NRIP1: variants seen among roughly 807,000 people sequenced by gnomAD.
The protein encoded by NRIP1 is nuclear receptor interacting protein 1.
A neutral mutation model predicts 75.0 loss-of-function variants in NRIP1; 28 were observed. That is an observed-to-expected ratio of 0.37 (90% CI 0.28 to 0.51). NRIP1 has a LOEUF of 0.51. NRIP1 is among the 20% of genes least tolerant of loss of function. The pLI is 0.92. For missense variants in NRIP1, 1,435 were observed against 1,343.7 expected (o/e 1.07, Z -1.06); for synonymous variants, 526 against 487.6 (o/e 1.08, Z -1.04).
At chr21:15,025,980 C>T (rs941375013) in intron 2 of NRIP1, among the ~76,000 whole-genome samples, 1 of 152,042 alleles carries the variant, frequency 6.6e-6, no homozygotes, top group South Asian at 2.1e-4. Context: ...AACCTGGAAA[C>T]TTGAATGAGC....
Position 14,966,394 on chromosome 21 carries a change from A to T in NRIP1, c.1799T>A (p.Met600Lys). The T allele has an allele frequency of 1.2e-6, 2 of 1,614,058 alleles. No homozygotes were observed. Among genetic ancestry groups the T allele is most frequent in the Non-Finnish European group, 1.7e-6 (2 of 1,179,986 alleles). Residue 600 changes from methionine (M) to lysine (K), a missense_variant, in exon 4 of 4, where the codon ATG (methionine) becomes AAG (lysine). Coordinates refer to ENST00000318948, the MANE Select transcript of NRIP1 (RefSeq NM_003489.4). Reference protein sequence around the residue: ...KLTNTASNHSMDLTKSKDPPG... With the variant: ...KLTNTASNHSKDLTKSKDPPG... Reference sequence around the variant, plus strand: ...TGGGTCTTTGCTTTTTGTAAGGTCCATTGAGTGGTTAGATGCAGTATTTGT... The same window carrying T: ...TGGGTCTTTGCTTTTTGTAAGGTCCTTTGAGTGGTTAGATGCAGTATTTGT...
chr21:15,031,186 G>C, intron 2 of NRIP1, among the ~76,000 whole-genome samples: 1 of 143,576 alleles, frequency 7.0e-6, no homozygotes, highest in African/African-American at 2.6e-5. Context: ...CACTCTGGAA[G>C]GCGTTCAGAG....
intron 2 of NRIP1, among the ~76,000 whole-genome samples, chr21:15,022,919 C>A (rs2088413756): frequency 6.6e-6 from 1 of 152,216 alleles, no homozygotes; most frequent in Admixed American, 6.5e-5. Flanking sequence ...GAAGTGCTGA[C>A]ACATGCTACA....
At chr21:15,059,944 A>AT (rs2089388063) in intron 1 of NRIP1, among the ~76,000 whole-genome samples, 1 of 152,160 alleles carries the variant, frequency 6.6e-6, no homozygotes, top group Non-Finnish European at 1.5e-5. Context: ...AATGTATCAC[A>AT]TTTATTTTCA....
intron 1 of NRIP1, among the ~76,000 whole-genome samples, chr21:15,059,698 T>C (rs1348112873): frequency 1.3e-5 from 2 of 152,158 alleles, no homozygotes; most frequent in East Asian, 1.9e-4. Flanking sequence ...TGCCCCATTA[T>C]CTTCAAGAAC....
At chr21:15,004,510 C>T (rs1288730154) in intron 3 of NRIP1, among the ~76,000 whole-genome samples, 1 of 152,238 alleles carries the variant, frequency 6.6e-6, no homozygotes, top group Admixed American at 6.5e-5. Context: ...AGCCAATGCA[C>T]TTGGACTTTG....
At chr21:15,034,337 T>TG (rs1156880153) in intron 2 of NRIP1, among the ~76,000 whole-genome samples, 1 of 152,212 alleles carries the variant, frequency 6.6e-6, no homozygotes, top group Admixed American at 6.5e-5. Context: ...GTTCCATATG[T>TG]GGTGAGTCAC....
chr21:15,064,664 G>A (rs1316736400), intron 1 of NRIP1, 81 bp downstream of exon 1: 5 of 150,546 alleles, frequency 3.3e-5, no homozygotes, highest in African/African-American at 9.7e-5. Context: ...AGCGAGAGCC[G>A]ACGCGGGCCG....
intron 3 of NRIP1, among the ~76,000 whole-genome samples, chr21:15,007,643 C>T (rs1250655988): frequency 2.6e-5 from 4 of 152,152 alleles, no homozygotes; most frequent in Non-Finnish European, 5.9e-5. Flanking sequence ...AAGACAGTGA[C>T]ATGTACCTTT....
At position 14,961,667 on chromosome 21, in the gene NRIP1, A is replaced by G. The variant is rs1181901988; in HGVS notation, c.*3049T>C. ...AGAAATGGAATACTGTCATGTTAGGATGAACATCTGATCTGATTTGTTAAG... is the reference window on the plus strand; with the variant it reads ...AGAAATGGAATACTGTCATGTTAGGGTGAACATCTGATCTGATTTGTTAAG... On this transcript the variant is annotated 3_prime_UTR_variant, in exon 4 of 4. Coordinates refer to ENST00000318948, the MANE Select transcript of NRIP1 (RefSeq NM_003489.4). 1 of 152,448 alleles carries G rather than the reference A, an allele frequency of 6.6e-6. No individual in the cohort carries two copies. The highest frequency in any genetic ancestry group is 1.5e-5 in the Non-Finnish European group (1 of 67,902). 9.4% of individuals were successfully genotyped at this position (152,448 alleles called of 1,614,324 possible).
chr21:15,037,348 C>T (rs1444218027), intron 2 of NRIP1, among the ~76,000 whole-genome samples: 1 of 152,122 alleles, frequency 6.6e-6, no homozygotes, highest in African/African-American at 2.4e-5. Flanking sequence ...TTGATCGTTT[C>T]TAAGCTTTAA....
At chr21:15,053,549 A>C (rs991227225) in intron 1 of NRIP1, among the ~76,000 whole-genome samples, 2 of 152,220 alleles carry the variant, frequency 1.3e-5, no homozygotes, top group Non-Finnish European at 2.9e-5. Context: ...TCACACTCAC[A>C]ACTAATTTAT....
chr21:15,050,688 T>C (rs565159112), intron 1 of NRIP1: 3 of 455,736 alleles, frequency 6.6e-6, no homozygotes, highest in Admixed American at 4.7e-5. Context: ...GTATTGTTTA[T>C]GTTTCTTATT....
chr21:15,043,182 C>A (rs2088995548), intron 2 of NRIP1, among the ~76,000 whole-genome samples: 1 of 152,168 alleles, frequency 6.6e-6, no homozygotes, highest in Admixed American at 6.5e-5. Flanking sequence ...TAAAAAGGAA[C>A]TTTATGTATC....
intron 3 of NRIP1, chr21:15,002,179 C>T (rs2087863420): frequency 1.3e-5 from 2 of 151,048 alleles, no homozygotes; most frequent in East Asian, 1.9e-4. Context: ...TACGGCCCTA[C>T]CTTTCTCTCA....
chr21:14,983,862 T>C (rs1200716251), intron 3 of NRIP1, among the ~76,000 whole-genome samples: 5 of 152,202 alleles, frequency 3.3e-5, no homozygotes, highest in Non-Finnish European at 7.3e-5. Context: ...TGCTGAATAT[T>C]TTAAGCCCGC....
At position 14,968,256 on chromosome 21, in the gene NRIP1, G is replaced by T; in HGVS notation, c.-64C>A. The T allele has an allele frequency of 9.0e-7, 1 of 1,112,134 alleles. No individual in the cohort carries two copies. Among genetic ancestry groups the T allele is most frequent in the Non-Finnish European group, 1.3e-6 (1 of 766,136 alleles). 68.9% of individuals were successfully genotyped at this position (1,112,134 alleles called of 1,614,324 possible). A position where few individuals can be genotyped will look rare whatever the true frequency, so the allele number is the denominator to read the frequency against. On this transcript the variant is annotated 5_prime_UTR_variant, in exon 4 of 4. Transcript: ENST00000318948. ...ACTTTAAAGAATGGTTTTCTGTGGT[G>T]AGTGCGATGTAACTTTAATAAAGGA...
intron 2 of NRIP1, among the ~76,000 whole-genome samples, chr21:15,035,556 C>CTTT (rs71331704): frequency 5.2e-5 from 7 of 134,528 alleles, no homozygotes; most frequent in African/African-American, 8.3e-5. Context: ...TTGTATATGA[C>CTTT]TTTTTTTTTT....
At chr21:14,971,644 C>T (rs2086905431) in intron 3 of NRIP1, 1 of 152,134 alleles carries the variant, frequency 6.6e-6, no homozygotes, top group East Asian at 1.9e-4. Flanking sequence ...CTTCTTTTCA[C>T]ATTTTCACAT....
Sources: allele counts gnomAD v4.1 joint callset (sites outside exome capture counted in the v4.1 genomes callset), GRCh38; gene constraint gnomAD v4.1.1; transcripts MANE v1.5; gene names NCBI Gene and HGNC (gene_info 2026-07-23, HGNC 2026-07-21).